Variants in AK1 observed in about 807,000 individuals in gnomAD.
AK1 encodes adenylate kinase 1.
AK1 carries 13 observed loss-of-function variants against 23.9 expected under a neutral mutation model. The observed-to-expected ratio is 0.54, with a 90% CI of 0.35 to 0.86. AK1 has a LOEUF of 0.86. Among genes scored for constraint, AK1 ranks in the 40% least tolerant of loss-of-function variants. The pLI is 0.01. For synonymous variants in AK1, 97 were observed against 102.8 expected, an observed-to-expected ratio of 0.94 and a Z score of 0.34; for missense variants, 214 against 255.1, an observed-to-expected ratio of 0.84 and a Z score of 1.10.
intron 2 of AK1, 73 bp from the exon 3 acceptor site, chr9:127,873,134 A>AGGC: frequency 6.3e-7 from 1 of 1,578,996 alleles, no homozygotes; most frequent in South Asian, 1.1e-5. Flanking sequence ...CTGGAGTCCC[A>AGGC]GGCCTGTGCT....
rs1225543302 is a variant in AK1 at position 127,868,480 on chromosome 9, G to A, written c.357C>T (p.Asp119=). 9 of 1,599,628 alleles carry A rather than the reference G, an allele frequency of 5.6e-6. No homozygotes were observed. The highest frequency in any genetic ancestry group is 1.1e-5 in the South Asian group (1 of 88,642). Residue 119 remains aspartate, a synonymous_variant, in exon 6 of 7, where the codon GAC becomes GAT. Coordinates refer to ENST00000644144, the MANE Select transcript of AK1 (RefSeq NM_000476.3). This position sits in a 1 kb window ranked among gnomAD's most constrained non-coding sequence, Gnocchi z 4.1. ...IGQPTLLLYV[D]AGPETMTQRL... ...GCTGGGTCATGGTCTCAGGGCCTGC[G>A]TCCACATACAGCAGCAGTGTGGGCT... is the stretch of plus-strand genomic sequence containing the variant.
At position 127,868,270 on chromosome 9, in the gene AK1, C is replaced by CCGT; in HGVS notation, c.516+50_516+51insACG. 1 of 1,536,536 alleles carries CCGT rather than the reference C, an allele frequency of 6.5e-7. No individual in the cohort carries two copies. The highest frequency in any genetic ancestry group is 8.8e-7 in the Non-Finnish European group (1 of 1,134,852). On this transcript the variant is annotated intron_variant, in intron 6 of 6. Coordinates refer to ENST00000644144, the MANE Select transcript of AK1 (RefSeq NM_000476.3). This position sits in a 1 kb window ranked among gnomAD's most constrained non-coding sequence, Gnocchi z 4.1. Reference sequence around the variant, plus strand: ...GCCACACAGTGAGCTGAGGCGGAGCCACATAGGAACCCGTTCTTCCCGGAG... The same window carrying CCGT: ...GCCACACAGTGAGCTGAGGCGGAGCCCGTACATAGGAACCCGTTCTTCCCGGAG...
In AK1 at chr9:127,870,905, G is replaced by C. The variant is rs139524781; in HGVS notation, c.324+918C>G. On this transcript the variant is annotated intron_variant, in intron 5 of 6. Transcript: ENST00000644144. ...GGTTAGGCTCCCCCTAGCCCTTGCC[G>C]ACCTCTCCCTCCTAGGCCCTTGCAG... Among the ~76,000 whole-genome samples, 3 of 151,858 alleles carry C rather than the reference G, an allele frequency of 2.0e-5. No individual in the cohort carries two copies. In the South Asian group the frequency reaches 6.2e-4, roughly 31 times the overall value.
chr9:127,871,751 GGCCCGCCCATGGGGATGGGAGTCTTATCC>G lies in AK1; in HGVS notation c.324+43_324+71del. On this transcript the variant is annotated intron_variant, in intron 5 of 6. Transcript: ENST00000644144. This position sits in a 1 kb window ranked among gnomAD's most constrained non-coding sequence, Gnocchi z 4.4. ...TCTGACCTGCATCACAGCCCCCGCA[GGCCCGCCCATGGGGATGGGAGTCTTATCC>G]TGCCCCAGCCCACCAGGATCCCCAC... 7.6e-7 allele frequency: 1 copy of G among 1,314,502 alleles called. No homozygotes were observed. The highest frequency in any genetic ancestry group is 1.1e-6 in the Non-Finnish European group (1 of 910,242). 81.4% of individuals were successfully genotyped at this position (1,314,502 alleles called of 1,614,324 possible).
chr9:127,872,515 T>G (rs1219263444), intron 4 of AK1, among the ~76,000 whole-genome samples, 175 bp downstream of exon 4: 1 of 151,968 alleles, frequency 6.6e-6, no homozygotes, highest in Non-Finnish European at 1.5e-5. Flanking sequence ...CTGCAAGGTC[T>G]TGGGAGCTTC....
At position 127,873,009 on chromosome 9, in the gene AK1, G is replaced by A. The variant is rs556649729; in HGVS notation, c.43+17C>T. On this transcript the variant is annotated intron_variant, in intron 3 of 6. Transcript: ENST00000644144. ...AGTGAAGACCCTTGCTGCACCACCC[G>A]CCTGCCCGCAACTCACCCACCACAA... The A allele has an allele frequency of 2.0e-5, 32 of 1,613,858 alleles. 1 individual carries two copies. Among genetic ancestry groups the A allele is most frequent in the Non-Finnish European group, 2.5e-5 (29 of 1,179,968 alleles).
chr9:127,873,264 G>A (rs568375534), intron 2 of AK1: 244 of 1,532,810 alleles, frequency 1.6e-4, no homozygotes, highest in South Asian at 3.3e-4. Flanking sequence ...AGGGAAGAGA[G>A]GGTGCTCCAG....
At chr9:127,869,859 G>A (rs948074294) in intron 5 of AK1, among the ~76,000 whole-genome samples, 2 of 152,220 alleles carry the variant, frequency 1.3e-5, no homozygotes, top group Admixed American at 1.3e-4. Context: ...AAGCACAGTA[G>A]GCTCTTTACA....
At position 127,871,289 on chromosome 9, in the gene AK1, A is replaced by G. The variant is rs1407561592; in HGVS notation, c.324+534T>C. Among the ~76,000 whole-genome samples, 1 of 151,504 alleles carries G rather than the reference A, an allele frequency of 6.6e-6. No individual in the cohort carries two copies. The highest frequency in any genetic ancestry group is 1.5e-5 in the Non-Finnish European group (1 of 67,992). On this transcript the variant is annotated intron_variant, in intron 5 of 6. Coordinates refer to ENST00000644144, the MANE Select transcript of AK1 (RefSeq NM_000476.3). The surrounding 1 kb of genome is among the most constrained non-coding windows in gnomAD (Gnocchi z 4.4). ...CAGGCTCCTCATGACCCCTGGAAGG[A>G]GACTGATGTCCCTTTATGGCATTTG...
rs1451762665 is a variant in AK1, at chr9:127,868,118, G to A, written c.517-42C>T. The A allele has an allele frequency of 6.8e-6, 11 of 1,606,880 alleles. No individual in the cohort carries two copies. In the African/African-American group the frequency reaches 9.4e-5, roughly 14 times the overall value. On this transcript the variant is annotated intron_variant, in intron 6 of 6. Transcript: ENST00000644144. This position sits in a 1 kb window ranked among gnomAD's most constrained non-coding sequence, Gnocchi z 4.1. ...CGTGAGGGCTGAGTCACCAGGTGGAGTGGGGTGGGCCTCACCATGGCAGGC... is the reference window on the plus strand; with the variant it reads ...CGTGAGGGCTGAGTCACCAGGTGGAATGGGGTGGGCCTCACCATGGCAGGC...
intron 5 of AK1, among the ~76,000 whole-genome samples, chr9:127,870,672 G>A (rs1240830579): frequency 6.6e-6 from 1 of 152,226 alleles, no homozygotes; most frequent in African/African-American, 2.4e-5. Context: ...TAGGGAAGGT[G>A]AGGGGCAGAG....
In AK1 at chr9:127,871,825, G is replaced by A. The variant is rs1414427449; in HGVS notation, c.322C>T (p.Arg108Trp). The A allele has an allele frequency of 2.1e-5, 34 of 1,613,714 alleles. No individual in the cohort carries two copies. The highest frequency in any genetic ancestry group is 4.4e-5 in the South Asian group (4 of 91,080). Reference sequence around the variant, plus strand: ...CCCCACTTGGGTCAGTGCCTTACCCGTCGCTCAAACTCTTCTCCTTGCTGC... The same window carrying A: ...CCCCACTTGGGTCAGTGCCTTACCCATCGCTCAAACTCTTCTCCTTGCTGC... The part of the protein sequence containing the change: ...EVQQGEEFER[R>W]IGQPTLLLYV... The change falls in exon 5 of 7, where the codon CGG becomes TGG. Residue 108 changes from arginine to tryptophan, a missense_variant and splice_region_variant. Coordinates refer to ENST00000644144, the MANE Select transcript of AK1 (RefSeq NM_000476.3). The surrounding 1 kb of genome is among the most constrained non-coding windows in gnomAD (Gnocchi z 4.4).
chr9:127,879,193 G>A (rs1220384981), upstream of AK1, among the ~76,000 whole-genome samples: 1 of 152,108 alleles, frequency 6.6e-6, no homozygotes, highest in Non-Finnish European at 1.5e-5. Flanking sequence ...GTGCCAGCAG[G>A]GACTCACTGG....
upstream of AK1, among the ~76,000 whole-genome samples, chr9:127,877,936 T>C (rs1247465736): frequency 6.6e-6 from 1 of 152,256 alleles, no homozygotes; most frequent in African/African-American, 2.4e-5. The surrounding 1 kb of genome is among the most constrained non-coding windows in gnomAD (Gnocchi z 5.2). Flanking sequence ...TCCATTGCGA[T>C]ACCCCGACTG....
chr9:127,872,848 G>A lies in AK1; in HGVS notation c.49C>T (p.Pro17Ser). ...CACTGGGTGCCCTTCCCTGAGCCAG[G>A]CCCACCTGCAAACGCCCACCCATTC... is the stretch of plus-strand genomic sequence containing the variant. Reference protein sequence around the residue: ...KTKIIFVVGGPGSGKGTQCEK... With the variant: ...KTKIIFVVGGSGSGKGTQCEK... Residue 17 changes from proline (P) to serine (S), a missense_variant, in exon 4 of 7, where the codon CCT (proline) becomes TCT (serine). Pro to Ser is a moderately conservative substitution (Grantham distance 74). Transcript: ENST00000644144. 1 of 1,614,008 alleles carries A rather than the reference G, an allele frequency of 6.2e-7. No homozygotes were observed. Among genetic ancestry groups the A allele is most frequent in the African/African-American group, 1.3e-5 (1 of 75,026 alleles).
In AK1 at chr9:127,871,934, T is replaced by C. The variant is rs1282104338; in HGVS notation, c.213A>G (p.Thr71=). ...TGGCATCCCGGAGCATGTCCAACACTGTCTCCTGGGGCACAGCAAAGGAGG... is the reference window on the plus strand; with the variant it reads ...TGGCATCCCGGAGCATGTCCAACACCGTCTCCTGGGGCACAGCAAAGGAGG... The part of the protein sequence containing the change: ...MEKGQLVPLE[T]VLDMLRDAMV... Residue 71 remains threonine, a synonymous_variant, in exon 5 of 7, where the codon ACA becomes ACG. Transcript: ENST00000644144. The surrounding 1 kb of genome is among the most constrained non-coding windows in gnomAD (Gnocchi z 4.4). 6.2e-7 allele frequency: 1 copy of C among 1,613,568 alleles called. No homozygotes were observed.
At chr9:127,874,037 G>A in intron 2 of AK1, 1 of 985,430 alleles carries the variant, frequency 1.0e-6, no homozygotes, top group Non-Finnish European at 1.2e-6. Flanking sequence ...TTGGAGCTCA[G>A]GCAGAGCAGC....
In AK1 at chr9:127,868,622, C is replaced by T; in HGVS notation, c.325-110G>A. 2 of 1,304,594 alleles carry T rather than the reference C, an allele frequency of 1.5e-6. No individual in the cohort carries two copies. The highest frequency in any genetic ancestry group is 2.1e-6 in the Non-Finnish European group (2 of 936,928). The allele number at this position is 1,304,594 out of a possible 1,614,324, so 80.8% of individuals were successfully genotyped here. A position where few individuals can be genotyped will look rare whatever the true frequency, so the allele number is the denominator to read the frequency against. ...GTAGATACCCCCTCAGACCTTCAAT[C>T]CCTTCCCCAAGGCAGCCTGAAAGAC... On this transcript the variant is annotated intron_variant, in intron 5 of 6. Coordinates refer to ENST00000644144, the MANE Select transcript of AK1 (RefSeq NM_000476.3). This position sits in a 1 kb window ranked among gnomAD's most constrained non-coding sequence, Gnocchi z 4.1.
In AK1 at chr9:127,867,702, A is replaced by C; in HGVS notation, c.*306T>G. On this transcript the variant is annotated 3_prime_UTR_variant, in exon 7 of 7. Transcript: ENST00000644144. ...GAGGAAGGGCCCCGGGCCTCCCACC[A>C]GAGCTAGAGGAGGGGTGGCTGGCAA... 2.5e-6 allele frequency: 1 copy of C among 395,976 alleles called. No homozygotes were observed. Among genetic ancestry groups the C allele is most frequent in the Non-Finnish European group, 4.8e-6 (1 of 209,526 alleles). 24.5% of individuals were successfully genotyped at this position (395,976 alleles called of 1,614,324 possible). A position where few individuals can be genotyped will look rare whatever the true frequency, so the allele number is the denominator to read the frequency against.
Sources: gnomAD v4.1 joint callset for allele counts (sites outside exome capture counted in the v4.1 genomes callset) on GRCh38, gnomAD v4.1.1 for gene constraint, Gnocchi (gnomAD v3.1) non-coding constraint, MANE v1.5 for transcripts, NCBI Gene and HGNC (gene_info 2026-07-23, HGNC 2026-07-21) for gene names.